KIFC3: variants seen among roughly 807,000 people sequenced by gnomAD.
KIFC3 encodes kinesin family member C3, also known as kinesin-like protein KIFC3.
Under a neutral mutation model 101.8 loss-of-function variants are expected in KIFC3, and 60 were observed. That is an observed-to-expected ratio of 0.59 (90% CI 0.48 to 0.73). KIFC3 has a LOEUF of 0.73. KIFC3 is among the 30% of genes least tolerant of loss of function. The pLI, the probability that KIFC3 is intolerant of heterozygous loss-of-function variation, is 0.00. For synonymous variants in KIFC3, 476 were observed against 482.7 expected (o/e 0.99, Z 0.18); for missense variants, 966 against 1,137.1 (o/e 0.85, Z 2.16).
chr16:57,782,086 G>A, intron 3 of KIFC3: 1 of 985,490 alleles, frequency 1.0e-6, no homozygotes, highest in Non-Finnish European at 1.2e-6. Flanking sequence ...GAAAGTCCAA[G>A]TCTGAGTCAA....
chr16:57,849,253 GT>G (rs1364910533), intron 1 of KIFC3, among the ~76,000 whole-genome samples: 2 of 152,146 alleles, frequency 1.3e-5, no homozygotes, highest in Non-Finnish European at 2.9e-5. Flanking sequence ...GAAAGGGTAC[GT>G]TGTAAATAAA....
At chr16:57,824,013 T>C (rs1411536526) in intron 1 of KIFC3, among the ~76,000 whole-genome samples, 1 of 152,192 alleles carries the variant, frequency 6.6e-6, no homozygotes, top group Non-Finnish European at 1.5e-5. Flanking sequence ...AAGAAATGCA[T>C]GGTTCCTGCC....
At chr16:57,762,033 T>C (rs982493854) in intron 13 of KIFC3, 107 bp downstream of exon 13, 6 of 1,393,628 alleles carry the variant, frequency 4.3e-6, no homozygotes, top group Non-Finnish European at 5.8e-6. Flanking sequence ...CCCTGAGGCC[T>C]GCTCCCCACA....
At chr16:57,857,648 T>A (rs1180882687) in intron 1 of KIFC3, among the ~76,000 whole-genome samples, 52 of 152,046 alleles carry the variant, frequency 3.4e-4, no homozygotes, top group African/African-American at 1.2e-3. Flanking sequence ...TGTTCAGTGT[T>A]TGGTTTTCTG....
upstream of KIFC3, chr16:57,808,059 T>C (rs1285771551): frequency 6.6e-6 from 1 of 151,818 alleles, no homozygotes. Flanking sequence ...AACTCGACAG[T>C]TCTCCCCTAA....
intron 1 of KIFC3, among the ~76,000 whole-genome samples, chr16:57,823,759 CTTTGTG>C (rs1397965985): frequency 5.1e-4 from 28 of 54,772 alleles, no homozygotes; most frequent in Non-Finnish European, 1.1e-3. Flanking sequence ...CACCCGGCTA[CTTTGTG>C]TGTGTGTGTG....
intron 2 of KIFC3, 112 bp downstream of exon 2, chr16:57,797,960 A>C: frequency 6.5e-7 from 1 of 1,543,508 alleles, no homozygotes; most frequent in East Asian, 2.5e-5. Flanking sequence ...TTACCCTGTA[A>C]TTACCTGACA....
chr16:57,765,431 T>A, intron 11 of KIFC3, 28 bp downstream of exon 11: 1 of 1,549,910 alleles, frequency 6.5e-7, no homozygotes, highest in Non-Finnish European at 8.8e-7. Context: ...TCCCTTGCTT[T>A]CCCTTTCCCG....
chr16:57,782,172 A>T, intron 3 of KIFC3: 2 of 983,284 alleles, frequency 2.0e-6, no homozygotes, highest in Non-Finnish European at 1.2e-6. Flanking sequence ...ACAGTTGACC[A>T]TCTTTTTTCT....
upstream of KIFC3, among the ~76,000 whole-genome samples, chr16:57,805,285 G>T (rs1555626702): frequency 6.6e-6 from 1 of 152,174 alleles, no homozygotes; most frequent in East Asian, 1.9e-4. Flanking sequence ...GCCCATCCCA[G>T]TTGTTGGAAT....
intron 3 of KIFC3, among the ~76,000 whole-genome samples, 190 bp downstream of exon 3, chr16:57,794,809 A>G (rs185024683): frequency 1.3e-5 from 2 of 152,228 alleles, no homozygotes; most frequent in East Asian, 1.9e-4. Flanking sequence ...GTCAGCTCCT[A>G]TGAGATTTCC....
intron 1 of KIFC3, among the ~76,000 whole-genome samples, chr16:57,829,719 TC>T (rs2055534771): frequency 6.6e-6 from 1 of 152,116 alleles, no homozygotes; most frequent in South Asian, 2.1e-4. Context: ...TCCAGCCTCT[TC>T]CCCAGTATCA....
chr16:57,861,639 G>T (rs1959278567), intron 1 of KIFC3, among the ~76,000 whole-genome samples: 1 of 152,094 alleles, frequency 6.6e-6, no homozygotes, highest in African/African-American at 2.4e-5. Context: ...GGCCAGAAGG[G>T]CAAAAGGGAG....
intron 9 of KIFC3, among the ~76,000 whole-genome samples, chr16:57,768,046 C>A (rs951143765): frequency 1.2e-4 from 18 of 151,794 alleles, no homozygotes; most frequent in African/African-American, 4.1e-4. Flanking sequence ...TGGGTAGGGG[C>A]TGGGTGCAGT....
intron 3 of KIFC3, among the ~76,000 whole-genome samples, chr16:57,786,858 C>T (rs989342324): frequency 6.6e-6 from 1 of 152,126 alleles, no homozygotes; most frequent in Non-Finnish European, 1.5e-5. Flanking sequence ...TGGGCGGGGA[C>T]ATCTCAGCAC....
chr16:57,858,346 C>T (rs1269534773), intron 1 of KIFC3, among the ~76,000 whole-genome samples: 11 of 152,124 alleles, frequency 7.2e-5, no homozygotes, highest in African/African-American at 1.7e-4. Context: ...TTCCCTTCCC[C>T]GGAACACAGA....
intron 3 of KIFC3, among the ~76,000 whole-genome samples, chr16:57,777,815 C>T (rs2052295456): frequency 6.6e-6 from 1 of 151,966 alleles, no homozygotes; most frequent in South Asian, 2.1e-4. Flanking sequence ...GAATGGAATA[C>T]AGAGTCCAGA....
At chr16:57,787,848 C>A (rs2053491291) in intron 3 of KIFC3, among the ~76,000 whole-genome samples, 1 of 152,216 alleles carries the variant, frequency 6.6e-6, no homozygotes, top group East Asian at 1.9e-4. Flanking sequence ...GCTCCTTCCA[C>A]CACATGGCAA....
At chr16:57,798,397 CG>C in intron 1 of KIFC3, 115 bp from the exon 2 acceptor site, 1 of 920,250 alleles carries the variant, frequency 1.1e-6, no homozygotes, top group Non-Finnish European at 1.7e-6. Context: ...GGTTACCCAG[CG>C]CAGCAGCTCC....
Sources: allele counts gnomAD v4.1 joint callset (sites outside exome capture counted in the v4.1 genomes callset), GRCh38; gene constraint gnomAD v4.1.1; transcripts MANE v1.5; gene names NCBI Gene and HGNC (gene_info 2026-07-23, HGNC 2026-07-21).